CNTN5: variants seen among roughly 807,000 people sequenced by gnomAD.
CNTN5 encodes contactin-5.
In CNTN5, 77 loss-of-function variants were observed where a neutral mutation model predicts 129.1. The observed-to-expected ratio is 0.60, with a 90% confidence interval of 0.50 to 0.72. The LOEUF is 0.72. CNTN5 is among the 30% of genes least tolerant of loss of function. The pLI, the probability that CNTN5 is intolerant of heterozygous loss-of-function variation, is 0.00. For missense variants in CNTN5, 1,478 were observed against 1,328.8 expected (o/e 1.11, Z -1.75); for synonymous variants, 509 against 465.6 (o/e 1.09, Z -1.20).
intron 2 of CNTN5, among the ~76,000 whole-genome samples, chr11:99,547,469 C>T (rs1042612989): frequency 2.0e-5 from 3 of 152,108 alleles, no homozygotes; most frequent in Non-Finnish European, 4.4e-5. Flanking sequence ...ATATGCTAAA[C>T]TGTATGTAAA....
chr11:99,632,990 A>G (rs1376180849), intron 3 of CNTN5, among the ~76,000 whole-genome samples: 1 of 152,140 alleles, frequency 6.6e-6, no homozygotes, highest in Non-Finnish European at 1.5e-5. Flanking sequence ...AACTGTTTGC[A>G]TGCTAAAAAG....
intron 2 of CNTN5, among the ~76,000 whole-genome samples, chr11:99,450,375 A>C (rs1230161612): frequency 6.6e-6 from 1 of 151,768 alleles, no homozygotes; most frequent in East Asian, 1.9e-4. Context: ...GTCTGTCCTC[A>C]TTATGCCCAG....
intron 1 of CNTN5, among the ~76,000 whole-genome samples, chr11:99,151,838 G>T (rs886097074): frequency 6.6e-6 from 1 of 151,972 alleles, no homozygotes; most frequent in Non-Finnish European, 1.5e-5. Flanking sequence ...TCACTCATAA[G>T]TGGGAGGGGG....
rs187297344 is a variant in CNTN5 at position 99,722,801 on chromosome 11, T to G, written c.56-96743T>G. Among the ~76,000 whole-genome samples the G allele has an allele frequency of 3.3e-5, 5 of 151,936 alleles. No homozygotes were observed. The South Asian group carries it at 1.0e-3, about 32-fold the overall frequency. Reference sequence around the variant, plus strand: ...ACAACTCTCCCCATATGGGGAGATATAGCCCATATGGGTTATATATTATGT... The same window carrying G: ...ACAACTCTCCCCATATGGGGAGATAGAGCCCATATGGGTTATATATTATGT... On this transcript the variant is annotated intron_variant, in intron 3 of 24. Transcript: ENST00000524871.
At chr11:100,218,479 G>T (rs138156450) in intron 15 of CNTN5, among the ~76,000 whole-genome samples, 15 of 152,324 alleles carry the variant, frequency 9.8e-5, no homozygotes, top group Non-Finnish European at 1.9e-4. Flanking sequence ...TATCAATGTG[G>T]ATTGGAGTGG....
At chr11:100,260,827 A>T (rs1186428102) in intron 17 of CNTN5, among the ~76,000 whole-genome samples, 1 of 152,234 alleles carries the variant, frequency 6.6e-6, no homozygotes, top group African/African-American at 2.4e-5. Flanking sequence ...GGATAAACAC[A>T]CAGCTAATAT....
At chr11:99,697,507 G>A (rs1398806564) in intron 3 of CNTN5, among the ~76,000 whole-genome samples, 1 of 151,626 alleles carries the variant, frequency 6.6e-6, no homozygotes, top group Non-Finnish European at 1.5e-5. Context: ...TACAGAAAAT[G>A]TGATTAGTGC....
intron 2 of CNTN5, among the ~76,000 whole-genome samples, chr11:99,346,572 G>T (rs1239859399): frequency 1.3e-5 from 2 of 152,208 alleles, no homozygotes; most frequent in Non-Finnish European, 2.9e-5. Context: ...CACAGCTCCA[G>T]TAAGGAGTTG....
intron 2 of CNTN5, among the ~76,000 whole-genome samples, chr11:99,365,167 T>C (rs1371251420): frequency 6.6e-6 from 1 of 152,194 alleles, no homozygotes; most frequent in Non-Finnish European, 1.5e-5. Flanking sequence ...GCTTTGATAC[T>C]GTACAATATT....
chr11:99,133,687 C>A (rs1859072527), intron 1 of CNTN5, among the ~76,000 whole-genome samples: 2 of 147,428 alleles, frequency 1.4e-5, no homozygotes, highest in South Asian at 4.3e-4. Flanking sequence ...TAGAGAAATG[C>A]AAATCAAAAC....
intron 3 of CNTN5, among the ~76,000 whole-genome samples, chr11:99,770,098 C>T (rs1944894361): frequency 6.6e-6 from 1 of 152,062 alleles, no homozygotes; most frequent in Non-Finnish European, 1.5e-5. Flanking sequence ...TGTTTGCTGT[C>T]AGCTAAATCT....
intron 3 of CNTN5, among the ~76,000 whole-genome samples, chr11:99,578,196 T>A (rs4754633): frequency 0.91 from 138,036 of 151,780 alleles, 62,933 homozygotes; most frequent in East Asian, 1. Context: ...CCATGGTGTA[T>A]ATGTGCCACA....
Position 99,501,669 on chromosome 11 carries a change from C to T in CNTN5, c.-70-54476C>T, listed in dbSNP as rs148365201. On this transcript the variant is annotated intron_variant, in intron 2 of 24. Coordinates refer to ENST00000524871, the MANE Select transcript of CNTN5 (RefSeq NM_014361.4). Reference sequence around the variant, plus strand: ...GTTATTAGTGGAATCAGTGATTCAACCATTCATTCAATTACCCACTCAGCA... The same window carrying T: ...GTTATTAGTGGAATCAGTGATTCAATCATTCATTCAATTACCCACTCAGCA... Among the ~76,000 whole-genome samples the T allele has an allele frequency of 4.4e-3, 672 of 152,266 alleles. 2 individuals carry two copies. Among genetic ancestry groups the T allele is most frequent in the Non-Finnish European group, 7.4e-3 (501 of 68,016 alleles).
chr11:99,855,106 C>G (rs1947992689), intron 6 of CNTN5, among the ~76,000 whole-genome samples: 1 of 151,990 alleles, frequency 6.6e-6, no homozygotes, highest in African/African-American at 2.4e-5. Flanking sequence ...GCTAGGAGTT[C>G]AAGACCAGCC....
chr11:99,457,635 G>A (rs900295593), intron 2 of CNTN5, among the ~76,000 whole-genome samples: 1 of 151,698 alleles, frequency 6.6e-6, no homozygotes, highest in East Asian at 1.9e-4. Context: ...GTTTCCTTGA[G>A]TATGTTTAAA....
intron 13 of CNTN5, among the ~76,000 whole-genome samples, chr11:100,112,831 G>A (rs1293766661): frequency 6.6e-6 from 1 of 152,078 alleles, no homozygotes; most frequent in Non-Finnish European, 1.5e-5. Flanking sequence ...GAAGAGGGAA[G>A]AGTGCCTTTT....
At chr11:99,994,317 G>C (rs904839197) in intron 8 of CNTN5, among the ~76,000 whole-genome samples, 1 of 76,756 alleles carries the variant, frequency 1.3e-5, no homozygotes, top group Admixed American at 1.1e-4. Context: ...CTAAAATGTC[G>C]TACAACCTTG....
intron 1 of CNTN5, among the ~76,000 whole-genome samples, chr11:99,063,835 A>T (rs1028192719): frequency 6.6e-6 from 1 of 152,278 alleles, no homozygotes; most frequent in African/African-American, 2.4e-5. Flanking sequence ...GACCCCATCC[A>T]GTAAAAATGG....
chr11:99,630,266 A>G (rs1184810022), intron 3 of CNTN5, among the ~76,000 whole-genome samples: 1 of 150,666 alleles, frequency 6.6e-6, no homozygotes, highest in African/African-American at 2.5e-5. Flanking sequence ...ATATATATAT[A>G]TATGTATATA....
Sources: allele counts gnomAD v4.1 joint callset (sites outside exome capture counted in the v4.1 genomes callset), GRCh38; gene constraint gnomAD v4.1.1; transcripts MANE v1.5; gene names NCBI Gene and HGNC (gene_info 2026-07-23, HGNC 2026-07-21).